Variants in ELP4 observed in about 807,000 individuals in gnomAD.
ELP4 encodes the protein elongator acetyltransferase complex subunit 4, also known as elongator complex protein 4.
ELP4 carries 51 observed loss-of-function variants against 48.9 expected under a neutral mutation model. The observed-to-expected ratio is 1.04, with a 90% CI of 0.83 to 1.32. The LOEUF (loss-of-function observed/expected upper bound fraction) is 1.32, where lower values mean the gene tolerates loss of function less well. Among genes scored for constraint, ELP4 ranks in the 40% most tolerant of loss-of-function variants. The probability of loss-of-function intolerance (pLI) is 0.00; values close to 1 mark genes in which losing one functional copy is unlikely to be tolerated. For synonymous variants in ELP4, 210 were observed against 189.2 expected, an observed-to-expected ratio of 1.11 and a Z score of -0.90; for missense variants, 519 against 514.6, an observed-to-expected ratio of 1.01 and a Z score of -0.08.
intron 9 of ELP4, among the ~76,000 whole-genome samples, chr11:31,739,299 A>G (rs1019374278): frequency 6.6e-6 from 1 of 152,198 alleles, no homozygotes; most frequent in Admixed American, 6.5e-5. Flanking sequence ...GTCTGCTTAT[A>G]TGTTCATTTT....
At chr11:31,677,813 G>GTGGA (rs1945962945) in intron 9 of ELP4, among the ~76,000 whole-genome samples, 1 of 152,118 alleles carries the variant, frequency 6.6e-6, no homozygotes, top group Admixed American at 6.5e-5. Flanking sequence ...TTGCATTAGA[G>GTGGA]TGGAATATTT....
At chr11:31,711,073 G>C (rs1946733333) in intron 9 of ELP4, among the ~76,000 whole-genome samples, 2 of 152,138 alleles carry the variant, frequency 1.3e-5, no homozygotes, top group Non-Finnish European at 2.9e-5. Flanking sequence ...AATATTTATG[G>C]TTACAGTAAA....
chr11:31,763,889 C>T (rs534720006), intron 9 of ELP4, among the ~76,000 whole-genome samples: 6 of 151,766 alleles, frequency 4.0e-5, no homozygotes, highest in Non-Finnish European at 8.8e-5. Context: ...CATGGGGCTT[C>T]ATTTATTTTT....
chr11:31,636,539 A>G (rs770376759), intron 7 of ELP4, among the ~76,000 whole-genome samples: 2 of 151,986 alleles, frequency 1.3e-5, no homozygotes, highest in Non-Finnish European at 2.9e-5. Context: ...TCCCATGTTT[A>G]ATTTCATTGT....
At chr11:31,643,698 TC>T (rs1228592534) in intron 7 of ELP4, among the ~76,000 whole-genome samples, 1 of 151,868 alleles carries the variant, frequency 6.6e-6, no homozygotes. Flanking sequence ...ATTAAATTAA[TC>T]TTCCTTAATT....
At chr11:31,621,508 C>A (rs1944621138) in intron 5 of ELP4, among the ~76,000 whole-genome samples, 1 of 151,796 alleles carries the variant, frequency 6.6e-6, no homozygotes, top group South Asian at 2.1e-4. Flanking sequence ...TTTCGAAGAC[C>A]AGAACAGAAA....
At chr11:31,648,238 A>G (rs1042146519) in intron 8 of ELP4, 3 of 153,368 alleles carry the variant, frequency 2.0e-5, no homozygotes, top group African/African-American at 7.3e-5. Context: ...GATAAGATAC[A>G]TACTGGATTA....
At chr11:31,771,280 C>G (rs1948136608) in intron 9 of ELP4, among the ~76,000 whole-genome samples, 1 of 152,158 alleles carries the variant, frequency 6.6e-6, no homozygotes, top group South Asian at 2.1e-4. Flanking sequence ...GATCTAATAG[C>G]CAGTATATAC....
intron 2 of ELP4, among the ~76,000 whole-genome samples, chr11:31,539,433 G>A (rs895784886): frequency 7.2e-5 from 11 of 152,120 alleles, no homozygotes; most frequent in Middle Eastern, 3.2e-3. Context: ...CAGCCTGGGC[G>A]ACAGAACGAG....
At chr11:31,685,196 A>C (rs1946135217) in intron 9 of ELP4, among the ~76,000 whole-genome samples, 1 of 151,962 alleles carries the variant, frequency 6.6e-6, no homozygotes, top group South Asian at 2.1e-4. Flanking sequence ...ACTAAAATAC[A>C]AAAAATTAGC....
At chr11:31,744,586 T>TA (rs1947535628) in intron 9 of ELP4, among the ~76,000 whole-genome samples, 1 of 152,230 alleles carries the variant, frequency 6.6e-6, no homozygotes, top group Admixed American at 6.5e-5. Context: ...TGGTTCAACA[T>TA]ACGCAAATCA....
intron 5 of ELP4, among the ~76,000 whole-genome samples, chr11:31,622,225 T>C (rs1184708290): frequency 6.6e-6 from 1 of 151,836 alleles, no homozygotes; most frequent in Admixed American, 6.6e-5. Context: ...TGCATGATCT[T>C]ATTTTTGTAA....
intron 3 of ELP4, among the ~76,000 whole-genome samples, chr11:31,543,795 G>C (rs1248446400): frequency 6.6e-6 from 1 of 152,056 alleles, no homozygotes; most frequent in African/African-American, 2.4e-5. Flanking sequence ...AATGCTAAAA[G>C]AAAAACACGT....
At chr11:31,658,280 C>T (rs1945479505) in intron 9 of ELP4, among the ~76,000 whole-genome samples, 1 of 151,698 alleles carries the variant, frequency 6.6e-6, no homozygotes, top group African/African-American at 2.4e-5. Context: ...CCCCAGCATG[C>T]ATTTCTACTT....
intron 9 of ELP4, among the ~76,000 whole-genome samples, chr11:31,745,024 T>A (rs565531175): frequency 6.6e-6 from 1 of 152,316 alleles, no homozygotes; most frequent in East Asian, 1.9e-4. Context: ...CTCAAGCTGA[T>A]AAGCAACTTC....
chr11:31,565,506 G>A (rs545810348), intron 3 of ELP4, among the ~76,000 whole-genome samples: 311 of 147,808 alleles, frequency 2.1e-3, no homozygotes, highest in African/African-American at 7.2e-3. Context: ...TATGGTTTTC[G>A]GTCTAACATT....
At chr11:31,598,586 C>A (rs1362018451) in intron 4 of ELP4, among the ~76,000 whole-genome samples, 1 of 134,000 alleles carries the variant, frequency 7.5e-6, no homozygotes, top group African/African-American at 2.8e-5. Context: ...TGTCTCACTG[C>A]AACCTTGACC....
At chr11:31,608,926 A>C (rs1957926567) in intron 5 of ELP4, among the ~76,000 whole-genome samples, 1 of 152,140 alleles carries the variant, frequency 6.6e-6, no homozygotes, top group East Asian at 1.9e-4. Flanking sequence ...GCTCTGATGC[A>C]GATAGGGCCA....
rs1426629524 is a variant in ELP4 at position 31,632,293 on chromosome 11, C to T, written c.815C>T (p.Ala272Val). Residue 272 changes from alanine (A) to valine (V), a missense_variant, in exon 7 of 10, where the codon GCA (alanine) becomes GTA (valine). Coordinates refer to ENST00000640961, the MANE Select transcript of ELP4 (RefSeq NM_019040.5). ...SPLWGDDICC[A>V]ENGGNSHSLT... ...TTATGGGGAGACGATATTTGCTGTG[C>T]AGAAAATGGTGGCAACAGTCACAGC... 1 of 1,612,882 alleles carries T rather than the reference C, an allele frequency of 6.2e-7. No homozygotes were observed. Among genetic ancestry groups the T allele is most frequent in the South Asian group, 1.1e-5 (1 of 90,942 alleles).
Sources: allele counts gnomAD v4.1 joint callset (sites outside exome capture counted in the v4.1 genomes callset), GRCh38; gene constraint gnomAD v4.1.1; transcripts MANE v1.5; gene names NCBI Gene and HGNC (gene_info 2026-07-23, HGNC 2026-07-21).